Variants in SHISAL1 observed in about 807,000 individuals in gnomAD.
The protein encoded by SHISAL1 is shisa like 1, also known as protein shisa-like-1.
Under a neutral mutation model 22.6 loss-of-function variants are expected in SHISAL1, and 9 were observed. The ratio of observed to expected loss-of-function variants is 0.40; its 90% CI spans 0.24 to 0.70. The LOEUF (loss-of-function observed/expected upper bound fraction) is 0.70. SHISAL1 is among the 30% of genes least tolerant of loss of function. The pLI is 0.39. For missense variants in SHISAL1, 246 were observed against 270.6 expected (o/e 0.91, Z 0.64); for synonymous variants, 119 against 115.4 (o/e 1.03, Z -0.20).
Position 44,307,626 on chromosome 22 carries a change from G to T in SHISAL1, c.-33+5125C>A, listed in dbSNP as rs1326499712. ...CTGAGTGGGACGTTCCTGAACGCTC[G>T]TTGTTTGACCATGGCCAGAATCACG... On this transcript the variant is annotated intron_variant, in intron 1 of 4. Coordinates refer to ENST00000381176, the MANE Select transcript of SHISAL1 (RefSeq NM_001099294.2). Among the ~76,000 whole-genome samples the T allele has an allele frequency of 2.0e-5, 3 of 152,270 alleles. No homozygotes were observed. In the East Asian group the frequency reaches 5.8e-4, roughly 29 times the overall value.
chr22:44,259,664 A>C (rs1253785688), intron 4 of SHISAL1, among the ~76,000 whole-genome samples: 2 of 152,056 alleles, frequency 1.3e-5, no homozygotes, highest in African/African-American at 4.8e-5. Context: ...GCTGAGAAGG[A>C]AAAGGACTTT....
At chr22:44,278,724 C>T (rs994460627) in intron 4 of SHISAL1, among the ~76,000 whole-genome samples, 2 of 152,184 alleles carry the variant, frequency 1.3e-5, no homozygotes, top group African/African-American at 4.8e-5. Context: ...ACAGGGGTCC[C>T]GATGCACCTC....
intron 4 of SHISAL1, among the ~76,000 whole-genome samples, chr22:44,257,370 A>T (rs1055866978): frequency 6.6e-6 from 1 of 152,212 alleles, no homozygotes; most frequent in African/African-American, 2.4e-5. Context: ...ACAGAGACCA[A>T]TCAGGCTCAG....
the SHISAL1 span, among the ~76,000 whole-genome samples, chr22:44,329,392 C>T: frequency 6.6e-6 from 1 of 152,146 alleles, no homozygotes; most frequent in Admixed American, 6.5e-5. Flanking sequence ...ATCTGGTCCA[C>T]CTGCCCTGAT....
chr22:44,293,611 G>C (rs903892648), intron 3 of SHISAL1, among the ~76,000 whole-genome samples: 1 of 152,150 alleles, frequency 6.6e-6, no homozygotes, highest in African/African-American at 2.4e-5. Context: ...TGACTAAAGT[G>C]ATTCCAGCCC....
intron 4 of SHISAL1, among the ~76,000 whole-genome samples, chr22:44,253,588 T>C (rs1334462883): frequency 2.0e-5 from 3 of 147,132 alleles, no homozygotes; most frequent in Non-Finnish European, 3.0e-5. Context: ...AACCACCATG[T>C]CTGGCTAATT....
At chr22:44,290,771 G>A (rs1197707923) in intron 3 of SHISAL1, among the ~76,000 whole-genome samples, 3 of 152,168 alleles carry the variant, frequency 2.0e-5, no homozygotes, top group Admixed American at 6.5e-5. Flanking sequence ...GTGTGAGGCT[G>A]TGAGATAACA....
chr22:44,298,205 C>G (rs758570323), intron 2 of SHISAL1, among the ~76,000 whole-genome samples: 1 of 152,208 alleles, frequency 6.6e-6, no homozygotes, highest in East Asian at 1.9e-4. Context: ...AAGAATACCC[C>G]CTCTGGGGAT....
rs1021699865 is a variant in SHISAL1 at position 44,249,453 on chromosome 22, C to A, written c.*232G>T. On this transcript the variant is annotated 3_prime_UTR_variant, in exon 5 of 5. Coordinates refer to ENST00000381176, the MANE Select transcript of SHISAL1 (RefSeq NM_001099294.2). Reference sequence around the variant, plus strand: ...CAGCCCAAAATAGGACTATTGCTTGCGGACAGGTGGCTCAGAATCCCCTCC... The same window carrying A: ...CAGCCCAAAATAGGACTATTGCTTGAGGACAGGTGGCTCAGAATCCCCTCC... The A allele has an allele frequency of 8.1e-6, 4 of 492,078 alleles. No homozygotes were observed. Among genetic ancestry groups the A allele is most frequent in the Non-Finnish European group, 1.1e-5 (3 of 271,844 alleles). The allele number at this position is 492,078 out of a possible 1,614,324, so 30.5% of individuals were successfully genotyped here.
At chr22:44,320,765 C>T in the SHISAL1 span, among the ~76,000 whole-genome samples, 1 of 152,156 alleles carries the variant, frequency 6.6e-6, no homozygotes, top group Non-Finnish European at 1.5e-5. Context: ...AAGGGCTGCA[C>T]TCCCAGGTGG....
intron 1 of SHISAL1, among the ~76,000 whole-genome samples, chr22:44,306,154 G>A (rs528034211): frequency 6.6e-6 from 1 of 152,338 alleles, no homozygotes; most frequent in South Asian, 2.1e-4. Context: ...TCCATGAGGC[G>A]GCCAGCCTCA....
At chr22:44,273,394 T>A (rs1167443309) in intron 4 of SHISAL1, among the ~76,000 whole-genome samples, 1 of 152,186 alleles carries the variant, frequency 6.6e-6, no homozygotes, top group East Asian at 1.9e-4. Flanking sequence ...GCAAATACCG[T>A]CACCGGCACA....
At chr22:44,263,844 C>A (rs1382076706) in intron 4 of SHISAL1, among the ~76,000 whole-genome samples, 1 of 152,224 alleles carries the variant, frequency 6.6e-6, no homozygotes, top group East Asian at 1.9e-4. Flanking sequence ...TCCTTTCCAA[C>A]TGCTGTCCTC....
chr22:44,259,000 T>C (rs2055103515), intron 4 of SHISAL1, among the ~76,000 whole-genome samples: 1 of 152,078 alleles, frequency 6.6e-6, no homozygotes, highest in Non-Finnish European at 1.5e-5. Context: ...ACCCAAGGGT[T>C]GGAAACCAGA....
intron 3 of SHISAL1, among the ~76,000 whole-genome samples, chr22:44,287,522 A>T (rs2055324701): frequency 6.6e-6 from 1 of 152,048 alleles, no homozygotes; most frequent in Admixed American, 6.5e-5. Context: ...GCTCCCGGTC[A>T]CTGTGCGTCC....
At chr22:44,305,310 T>A (rs1429850526) in intron 1 of SHISAL1, among the ~76,000 whole-genome samples, 1 of 152,198 alleles carries the variant, frequency 6.6e-6, no homozygotes, top group Admixed American at 6.5e-5. Context: ...GTCCCTGCCC[T>A]CAGGGAGCAC....
chr22:44,259,035 G>C (rs536084806), intron 4 of SHISAL1, among the ~76,000 whole-genome samples: 4 of 152,192 alleles, frequency 2.6e-5, no homozygotes, highest in Non-Finnish European at 5.9e-5. Context: ...ACTCGACCAT[G>C]AGGCTGAAAA....
intron 1 of SHISAL1, among the ~76,000 whole-genome samples, chr22:44,309,423 T>A (rs1569227615): frequency 1.3e-5 from 2 of 152,072 alleles, no homozygotes; most frequent in African/African-American, 4.8e-5. Context: ...GGGCAGGAAG[T>A]ACAGACGAGG....
In SHISAL1 at chr22:44,246,411, C is replaced by T. The variant is rs1426530376; in HGVS notation, c.*3274G>A. On this transcript the variant is annotated 3_prime_UTR_variant, in exon 5 of 5. Coordinates refer to ENST00000381176, the MANE Select transcript of SHISAL1 (RefSeq NM_001099294.2). The stretch of plus-strand genomic sequence containing the variant: ...TTATTACAAATTACATGGTGATGGA[C>T]AGAAGCTCACAGTAAAAAGTAAAAG... 1 of 152,110 alleles carries T rather than the reference C, an allele frequency of 6.6e-6. No individual in the cohort carries two copies. Among genetic ancestry groups the T allele is most frequent in the African/African-American group, 2.4e-5 (1 of 41,396 alleles). The allele number at this position is 152,110 out of a possible 1,614,324, so 9.4% of individuals were successfully genotyped here.
Sources: allele counts gnomAD v4.1 joint callset (sites outside exome capture counted in the v4.1 genomes callset), GRCh38; gene constraint gnomAD v4.1.1; transcripts MANE v1.5; gene names NCBI Gene and HGNC (gene_info 2026-07-23, HGNC 2026-07-21).